Variants in STXBP5L observed in about 807,000 individuals in gnomAD.
STXBP5L encodes syntaxin binding protein 5L.
STXBP5L carries 65 observed loss-of-function variants against 144.5 expected under a neutral mutation model. The ratio of observed to expected loss-of-function variants is 0.45; its 90% CI spans 0.37 to 0.55. The LOEUF is 0.55. Among genes scored for constraint, STXBP5L ranks in the 20% least tolerant of loss-of-function variants. STXBP5L has a pLI of 0.00. For missense variants in STXBP5L, 1,298 were observed against 1,405.5 expected (o/e 0.92, Z 1.22); for synonymous variants, 505 against 469.6 (o/e 1.08, Z -0.97).
At chr3:120,965,777 T>TATCTTTATG (rs1939494412) in intron 3 of STXBP5L, among the ~76,000 whole-genome samples, 1 of 152,124 alleles carries the variant, frequency 6.6e-6, no homozygotes, top group Admixed American at 6.6e-5. Context: ...TCTCAAAGAG[T>TATCTTTATG]ATCTTTATGA....
At chr3:121,094,968 G>A (rs963956394) in intron 5 of STXBP5L, among the ~76,000 whole-genome samples, 2 of 151,948 alleles carry the variant, frequency 1.3e-5, no homozygotes, top group African/African-American at 4.8e-5. Context: ...GGCAGGCCTG[G>A]TGGTGACAAA....
intron 5 of STXBP5L, among the ~76,000 whole-genome samples, chr3:121,096,755 AG>A (rs1482004430): frequency 2.6e-5 from 4 of 152,212 alleles, no homozygotes; most frequent in Admixed American, 2.6e-4. Context: ...TGCCAGCCAG[AG>A]CTCTCCTGTA....
Position 120,989,935 on chromosome 3 carries a change from A to G in STXBP5L, c.287+34898A>G, listed in dbSNP as rs550982671. Among the ~76,000 whole-genome samples the G allele has an allele frequency of 2.6e-5, 4 of 152,306 alleles. No homozygotes were observed. The South Asian group carries it at 8.3e-4, about 32-fold the overall frequency. On this transcript the variant is annotated intron_variant, in intron 3 of 26. Transcript: ENST00000471454. ...CCCTCTCTCACCACTTCTGCTCAAC[A>G]TAGTGTTGGAAGTTCTGGCCAGGAC...
chr3:121,258,942 G>C (rs971405368), intron 17 of STXBP5L, 101 bp from the exon 18 acceptor site: 10 of 1,197,734 alleles, frequency 8.3e-6, no homozygotes, highest in Non-Finnish European at 1.1e-5. Context: ...GCAATGCCTG[G>C]TGTTGTATAT....
Position 121,381,279 on chromosome 3 carries a change from A to G in STXBP5L, c.2348-14A>G. The G allele has an allele frequency of 1.3e-6, 2 of 1,549,462 alleles. No individual in the cohort carries two copies. Among genetic ancestry groups the G allele is most frequent in the South Asian group, 1.2e-5 (1 of 82,468 alleles). Reference sequence around the variant, plus strand: ...CTAACAATTTGTGTGGTTTTTTTTTATTTATTTCCATAGAAAACCGAGAAA... The same window carrying G: ...CTAACAATTTGTGTGGTTTTTTTTTGTTTATTTCCATAGAAAACCGAGAAA... On this transcript the variant is annotated splice_polypyrimidine_tract_variant and intron_variant, in intron 21 of 26. Coordinates refer to ENST00000471454, the MANE Select transcript of STXBP5L (RefSeq NM_001308330.2).
chr3:120,986,673 C>T (rs1336036027), intron 3 of STXBP5L, among the ~76,000 whole-genome samples: 1 of 151,560 alleles, frequency 6.6e-6, no homozygotes, highest in East Asian at 1.9e-4. Flanking sequence ...GTTCTGATAA[C>T]ATGTTGAAAA....
chr3:121,256,845 T>G (rs537627179), intron 16 of STXBP5L, among the ~76,000 whole-genome samples: 107 of 151,536 alleles, frequency 7.1e-4, no homozygotes, highest in African/African-American at 2.4e-3. Context: ...TAATTTATAC[T>G]ATATCTTAAA....
intron 10 of STXBP5L, among the ~76,000 whole-genome samples, chr3:121,214,265 G>A (rs1000087426): frequency 3.3e-5 from 5 of 152,094 alleles, no homozygotes; most frequent in Admixed American, 1.3e-4. Flanking sequence ...GAATATGTTT[G>A]CTCTTGCTTC....
intron 19 of STXBP5L, among the ~76,000 whole-genome samples, chr3:121,314,947 A>T (rs1379419335): frequency 6.6e-6 from 1 of 152,170 alleles, no homozygotes; most frequent in Non-Finnish European, 1.5e-5. Context: ...ACCATCTCAC[A>T]CCCGTTAGAA....
In STXBP5L at chr3:121,419,041, A is replaced by AT. The variant is rs748674382; in HGVS notation, c.3448-9dup. 16 of 1,610,230 alleles carry AT rather than the reference A, an allele frequency of 9.9e-6. No homozygotes were observed. The highest frequency in any genetic ancestry group is 3.4e-5 in the Admixed American group (2 of 59,362). ...AGTATTTTAGCGTCTTATGGTGGCT[A>AT]TTTTTTCTTTGCAGTTAATGCTGAA... On this transcript the variant is annotated splice_polypyrimidine_tract_variant and intron_variant, in intron 26 of 26. Coordinates refer to ENST00000471454, the MANE Select transcript of STXBP5L (RefSeq NM_001308330.2).
At chr3:121,189,938 A>T (rs977136471) in intron 9 of STXBP5L, among the ~76,000 whole-genome samples, 21 of 152,262 alleles carry the variant, frequency 1.4e-4, no homozygotes, top group African/African-American at 4.8e-4. Flanking sequence ...CCTCTCTTTC[A>T]TAGAAAGCAC....
At chr3:121,093,486 C>A (rs1198165585) in intron 5 of STXBP5L, among the ~76,000 whole-genome samples, 1 of 152,164 alleles carries the variant, frequency 6.6e-6, no homozygotes, top group South Asian at 2.1e-4. Flanking sequence ...CAACTTCTTC[C>A]TGGTTTAGTC....
chr3:120,997,551 G>A (rs1943448226), intron 3 of STXBP5L, among the ~76,000 whole-genome samples: 2 of 151,996 alleles, frequency 1.3e-5, no homozygotes, highest in South Asian at 2.1e-4. Flanking sequence ...TTTTTCATAC[G>A]CTTGTTGGCC....
intron 5 of STXBP5L, among the ~76,000 whole-genome samples, chr3:121,112,017 A>G (rs73855327): frequency 6.6e-6 from 1 of 152,138 alleles, no homozygotes. Context: ...ATGATCCACC[A>G]CAGCCGCTGT....
intron 2 of STXBP5L, among the ~76,000 whole-genome samples, chr3:120,926,366 T>TTG (rs1055042024): frequency 1.3e-5 from 2 of 151,234 alleles, no homozygotes; most frequent in Non-Finnish European, 1.5e-5. Context: ...CTTTTTTTTT[T>TTG]TTTTTCTTTC....
At chr3:121,224,349 A>G (rs2049056124) in intron 11 of STXBP5L, among the ~76,000 whole-genome samples, 1 of 152,180 alleles carries the variant, frequency 6.6e-6, no homozygotes, top group African/African-American at 2.4e-5. Flanking sequence ...GGATAAATTG[A>G]TATTAAATAA....
chr3:121,130,385 G>A (rs1294762900), intron 7 of STXBP5L, among the ~76,000 whole-genome samples: 1 of 152,060 alleles, frequency 6.6e-6, no homozygotes, highest in Non-Finnish European at 1.5e-5. Flanking sequence ...AATTGGGTGG[G>A]AGACATGGTA....
At chr3:121,165,808 A>AT (rs1167144745) in intron 9 of STXBP5L, among the ~76,000 whole-genome samples, 2 of 152,160 alleles carry the variant, frequency 1.3e-5, no homozygotes, top group African/African-American at 4.8e-5. Context: ...CCCAGTGTGC[A>AT]TTCCTCCCAG....
chr3:121,077,159 A>G (rs1375995818), intron 5 of STXBP5L, among the ~76,000 whole-genome samples: 1 of 152,188 alleles, frequency 6.6e-6, no homozygotes, highest in African/African-American at 2.4e-5. Context: ...CCCCACCTGC[A>G]TCTGGTGTCA....
Sources: allele counts gnomAD v4.1 joint callset (sites outside exome capture counted in the v4.1 genomes callset), GRCh38; gene constraint gnomAD v4.1.1; transcripts MANE v1.5; gene names NCBI Gene and HGNC (gene_info 2026-07-23, HGNC 2026-07-21).